The following SCARA3 variants were observed in gnomAD, a reference collection of about 807,000 sequenced individuals.
SCARA3 encodes the protein scavenger receptor class A member 3.
SCARA3 carries 39 observed loss-of-function variants against 47.0 expected under a neutral mutation model. The observed-to-expected ratio is 0.83, with a 90% confidence interval of 0.64 to 1.08. The LOEUF is 1.08. Ranked by LOEUF, SCARA3 falls within the 50% of genes least tolerant of loss-of-function variation. The probability of loss-of-function intolerance (pLI) is 0.00; values close to 1 mark genes in which losing one functional copy is unlikely to be tolerated. For synonymous variants in SCARA3, 356 were observed against 334.1 expected (o/e 1.07, Z -0.71); for missense variants, 724 against 792.3 (o/e 0.91, Z 1.04).
At chr8:27,705,852 A>C in the SCARA3 span, among the ~76,000 whole-genome samples, 1 of 152,258 alleles carries the variant, frequency 6.6e-6, no homozygotes, top group Non-Finnish European at 1.5e-5. Context: ...TTTCTGTAAG[A>C]AGGAACATCT....
At position 27,671,575 on chromosome 8, in the gene SCARA3, C is replaced by T; in HGVS notation, c.*224C>T. 3 of 1,261,904 alleles carry T rather than the reference C, an allele frequency of 2.4e-6. No individual in the cohort carries two copies. The highest frequency in any genetic ancestry group is 3.5e-5 in the South Asian group (1 of 28,700). 78.2% of individuals were successfully genotyped at this position (1,261,904 alleles called of 1,614,324 possible). A position where few individuals can be genotyped will look rare whatever the true frequency, so the allele number is the denominator to read the frequency against. ...GCACATGCACACACATGCATGCACACACATGCACACATACACGCACATGCA... is the reference window on the plus strand; with the variant it reads ...GCACATGCACACACATGCATGCACATACATGCACACATACACGCACATGCA... On this transcript the variant is annotated 3_prime_UTR_variant, in exon 6 of 6. Transcript: ENST00000301904.
At chr8:27,701,899 T>C in the SCARA3 span, 1 of 154,074 alleles carries the variant, frequency 6.5e-6, no homozygotes, top group African/African-American at 2.4e-5. Flanking sequence ...GTGCTAAAAC[T>C]GGGAGGCCCA....
the SCARA3 span, among the ~76,000 whole-genome samples, chr8:27,687,094 T>C: frequency 6.6e-6 from 1 of 152,222 alleles, no homozygotes; most frequent in Non-Finnish European, 1.5e-5. Context: ...GTCTGTCCAA[T>C]GATAATACCA....
At chr8:27,651,659 AG>A (rs1563405450) in intron 3 of SCARA3, 32 bp downstream of exon 3, 3 of 1,610,606 alleles carry the variant, frequency 1.9e-6, no homozygotes, top group South Asian at 2.2e-5. Flanking sequence ...CCCGGGCTGC[AG>A]GGGGGTGTCT....
upstream of SCARA3, among the ~76,000 whole-genome samples, chr8:27,633,542 C>T (rs1285099494): frequency 6.6e-6 from 1 of 152,228 alleles, no homozygotes. Context: ...CCACCCCTGC[C>T]CCAGCCACTT....
the SCARA3 span, among the ~76,000 whole-genome samples, chr8:27,716,204 T>A: frequency 2.0e-5 from 3 of 152,114 alleles, no homozygotes; most frequent in Admixed American, 1.3e-4. Flanking sequence ...TCCCAGCTAC[T>A]TGGGAGGCTG....
In SCARA3 at chr8:27,659,206, C is replaced by G. The variant is rs1801833852; in HGVS notation, c.1036C>G (p.Leu346Val). The change falls in exon 5 of 6, where the codon CTG becomes GTG. Residue 346 changes from leucine to valine, a missense_variant. Physicochemically the swap from Leu to Val is conservative, Grantham distance 32. Transcript: ENST00000301904. ...QNRTVERFESLEGRMASHEIE... is the reference protein window; with the variant it reads ...QNRTVERFESVEGRMASHEIE... ...CCGCACTGTGGAGAGGTTTGAGTCTCTGGAAGGACGCATGGCTTCTCACGA... is the reference window on the plus strand; with the variant it reads ...CCGCACTGTGGAGAGGTTTGAGTCTGTGGAAGGACGCATGGCTTCTCACGA... 1 of 1,614,194 alleles carries G rather than the reference C, an allele frequency of 6.2e-7. No individual in the cohort carries two copies. Among genetic ancestry groups the G allele is most frequent in the African/African-American group, 1.3e-5 (1 of 75,046 alleles).
At chr8:27,641,733 T>C (rs1017797393) in intron 1 of SCARA3, among the ~76,000 whole-genome samples, 2 of 152,126 alleles carry the variant, frequency 1.3e-5, no homozygotes, top group Admixed American at 6.5e-5. Flanking sequence ...ATCAAGCAGA[T>C]GGAACAGCAA....
At chr8:27,655,979 T>C (rs1801735774) in intron 3 of SCARA3, among the ~76,000 whole-genome samples, 1 of 152,222 alleles carries the variant, frequency 6.6e-6, no homozygotes, top group South Asian at 2.1e-4. Context: ...TCAGTTACCC[T>C]AGGTCAATCG....
At chr8:27,661,603 T>C (rs527848952) in intron 5 of SCARA3, among the ~76,000 whole-genome samples, 1 of 152,212 alleles carries the variant, frequency 6.6e-6, no homozygotes, top group Admixed American at 6.5e-5. Flanking sequence ...AGAAATACAG[T>C]AAAATATAAG....
chr8:27,660,532 G>GAGATAGATAGAT (rs11374289), intron 5 of SCARA3, among the ~76,000 whole-genome samples: 2,067 of 147,682 alleles, frequency 0.014, 46 homozygotes, highest in African/African-American at 0.05. Flanking sequence ...AGATAGAGAT[G>GAGATAGATAGAT]AGATAGATAG....
the SCARA3 span, among the ~76,000 whole-genome samples, chr8:27,683,684 A>G: frequency 6.6e-6 from 1 of 152,164 alleles, no homozygotes; most frequent in Admixed American, 6.5e-5. Context: ...GTCTACAAAA[A>G]CACTTGTACA....
intron 2 of SCARA3, among the ~76,000 whole-genome samples, chr8:27,651,293 T>C (rs1801625718): frequency 6.6e-6 from 1 of 152,190 alleles, no homozygotes; most frequent in Non-Finnish European, 1.5e-5. Context: ...TGGGGGCTGT[T>C]CTTTGAAGTC....
chr8:27,671,570 GCACACACATGCACACATA>G lies in SCARA3; in HGVS notation c.*223_*240del, dbSNP rs1313710915. On this transcript the variant is annotated 3_prime_UTR_variant, in exon 6 of 6. Coordinates refer to ENST00000301904, the MANE Select transcript of SCARA3 (RefSeq NM_016240.3). The stretch of plus-strand genomic sequence containing the variant: ...CATGTGCACATGCACACACATGCAT[GCACACACATGCACACATA>G]CACGCACATGCACACATACACATGC... 1.6e-6 allele frequency: 2 copies of G among 1,261,822 alleles called. No individual in the cohort carries two copies. The highest frequency in any genetic ancestry group is 3.1e-5 in the African/African-American group (2 of 64,410). The allele number at this position is 1,261,822 out of a possible 1,614,324, so 78.2% of individuals were successfully genotyped here.
In SCARA3 at chr8:27,672,142, C is replaced by T. The variant is rs575442390; in HGVS notation, c.*791C>T. 6 of 985,512 alleles carry T rather than the reference C, an allele frequency of 6.1e-6. No homozygotes were observed. In the East Asian group the frequency reaches 5.7e-4, roughly 93 times the overall value. The allele number at this position is 985,512 out of a possible 1,614,324, so 61.0% of individuals were successfully genotyped here. A position where few individuals can be genotyped will look rare whatever the true frequency, so the allele number is the denominator to read the frequency against. On this transcript the variant is annotated 3_prime_UTR_variant, in exon 6 of 6. Coordinates refer to ENST00000301904, the MANE Select transcript of SCARA3 (RefSeq NM_016240.3). ...CAGCATACCCGGGAGCTGTCCCTGT[C>T]TGTCACAGCACAGTGGGGCCACGAG...
chr8:27,675,557 A>G (rs1320185117), downstream of SCARA3, among the ~76,000 whole-genome samples: 1 of 152,210 alleles, frequency 6.6e-6, no homozygotes, highest in Admixed American at 6.5e-5. Context: ...TGGGAGGCCA[A>G]GGCAGGTGGA....
At chr8:27,711,598 T>C in the SCARA3 span, among the ~76,000 whole-genome samples, 1 of 152,320 alleles carries the variant, frequency 6.6e-6, no homozygotes, top group Admixed American at 6.5e-5. Context: ...GAATTTATAA[T>C]CTAGGTATAG....
At chr8:27,683,609 A>C in the SCARA3 span, among the ~76,000 whole-genome samples, 3 of 152,178 alleles carry the variant, frequency 2.0e-5, no homozygotes, top group African/African-American at 7.2e-5. Context: ...GAAGGTAAAC[A>C]CCCATCTACC....
downstream of SCARA3, among the ~76,000 whole-genome samples, chr8:27,680,182 A>G (rs1437068736): frequency 6.6e-6 from 1 of 152,068 alleles, no homozygotes; most frequent in Non-Finnish European, 1.5e-5. Flanking sequence ...GAAAAAGAAA[A>G]GAAATTTAAA....
Sources: gnomAD v4.1 joint callset for allele counts (sites outside exome capture counted in the v4.1 genomes callset) on GRCh38, gnomAD v4.1.1 for gene constraint, MANE v1.5 for transcripts, NCBI Gene and HGNC (gene_info 2026-07-23, HGNC 2026-07-21) for gene names.